The following OPCML variants were observed in gnomAD, a reference collection of about 807,000 sequenced individuals.
OPCML encodes the protein opioid binding protein/cell adhesion molecule like.
In OPCML, 13 loss-of-function variants were observed where a neutral mutation model predicts 37.8. The ratio of observed to expected loss-of-function variants is 0.34; its 90% CI spans 0.22 to 0.55. The LOEUF is 0.55. Among genes scored for constraint, OPCML ranks in the 20% least tolerant of loss-of-function variants. OPCML has a pLI of 0.91. For synonymous variants in OPCML, 176 were observed against 168.8 expected (o/e 1.04, Z -0.33); for missense variants, 341 against 435.6 (o/e 0.78, Z 1.93).
At chr11:133,294,815 C>CTTTTTTTTTTTTTTTTTTTT (rs59382534) in intron 1 of OPCML, among the ~76,000 whole-genome samples, 5 of 56,554 alleles carry the variant, frequency 8.8e-5, no homozygotes, top group African/African-American at 2.5e-4. Context: ...TTCTTTCTTT[C>CTTTTTTTTTTTTTTTTTTTT]TTTTTTTTTT....
intron 2 of OPCML, among the ~76,000 whole-genome samples, chr11:132,725,749 C>A (rs1944855837): frequency 6.6e-6 from 1 of 150,552 alleles, no homozygotes; most frequent in African/African-American, 2.5e-5. Context: ...CCACTGCACT[C>A]CAGCCTGGGC....
rs7941309 is a variant in OPCML at position 132,991,529 on chromosome 11, A to G, written c.62-48519T>C. 4.0e-3 allele frequency among the ~76,000 whole-genome samples: 611 copies of G among 152,358 alleles called. 5 individuals carry two copies. The highest frequency in any genetic ancestry group is 0.014 in the African/African-American group (572 of 41,584). ...TATTAACGAGCATCAATGAGCCCAA[A>G]GTGACAGCACAGTAAATAATTTGAA... On this transcript the variant is annotated intron_variant, in intron 1 of 7. Transcript: ENST00000524381.
At chr11:132,762,676 A>G (rs1185424716) in intron 2 of OPCML, among the ~76,000 whole-genome samples, 5 of 152,126 alleles carry the variant, frequency 3.3e-5, no homozygotes, top group African/African-American at 1.2e-4. Flanking sequence ...ACCAAGCTCG[A>G]GAGTCCTAGG....
chr11:133,147,507 A>C (rs1949914273), intron 1 of OPCML, among the ~76,000 whole-genome samples: 1 of 152,156 alleles, frequency 6.6e-6, no homozygotes, highest in African/African-American at 2.4e-5. Flanking sequence ...TTTCGATGGT[A>C]AGCAGCAGTG....
At chr11:132,652,349 A>AACACACACACACACACACACAC (rs5795793) in intron 3 of OPCML, among the ~76,000 whole-genome samples, 11 of 142,538 alleles carry the variant, frequency 7.7e-5, no homozygotes, top group African/African-American at 2.9e-4. Flanking sequence ...AAGAATGACA[A>AACACACACACACACACACACAC]ACACACACAC....
chr11:132,430,768 C>T (rs540318202), intron 7 of OPCML, among the ~76,000 whole-genome samples: 1 of 152,280 alleles, frequency 6.6e-6, no homozygotes, highest in African/African-American at 2.4e-5. Flanking sequence ...TCCGTCTTGG[C>T]TTTGTTTGCG....
At chr11:132,713,065 C>A (rs1370709899) in intron 2 of OPCML, among the ~76,000 whole-genome samples, 1 of 152,152 alleles carries the variant, frequency 6.6e-6, no homozygotes, top group Non-Finnish European at 1.5e-5. Context: ...AGATCCCTAT[C>A]CCCTTTGTTT....
intron 2 of OPCML, among the ~76,000 whole-genome samples, chr11:132,838,346 T>C (rs1308028303): frequency 6.6e-6 from 1 of 152,136 alleles, no homozygotes; most frequent in Non-Finnish European, 1.5e-5. Context: ...ACTAATGGAA[T>C]AAACTAAAGG....
intron 1 of OPCML, among the ~76,000 whole-genome samples, chr11:133,110,176 A>G (rs745694710): frequency 6.6e-6 from 1 of 152,248 alleles, no homozygotes; most frequent in Non-Finnish European, 1.5e-5. Flanking sequence ...TTAAGGTAAC[A>G]TGAAGTCAAA....
chr11:132,637,203 T>G, intron 3 of OPCML, among the ~76,000 whole-genome samples: 1 of 152,052 alleles, frequency 6.6e-6, no homozygotes, highest in Non-Finnish European at 1.5e-5. Flanking sequence ...GGTGAAAATA[T>G]CAGTCCACAA....
intron 4 of OPCML, among the ~76,000 whole-genome samples, chr11:132,515,731 T>C (rs1181645715): frequency 1.3e-5 from 2 of 152,182 alleles, no homozygotes; most frequent in African/African-American, 4.8e-5. Flanking sequence ...TAACCATGAT[T>C]ACTACCTTTA....
intron 1 of OPCML, among the ~76,000 whole-genome samples, chr11:133,267,392 C>T (rs1011409780): frequency 6.6e-6 from 1 of 152,158 alleles, no homozygotes; most frequent in African/African-American, 2.4e-5. Context: ...CTGATCACTC[C>T]GAGCCTCAGT....
intron 1 of OPCML, among the ~76,000 whole-genome samples, chr11:133,162,590 C>T (rs1565480569): frequency 6.6e-6 from 1 of 152,146 alleles, no homozygotes; most frequent in Non-Finnish European, 1.5e-5. Context: ...TACACACTGC[C>T]GGCCACATCA....
At chr11:133,287,375 G>C (rs191836829) in intron 1 of OPCML, among the ~76,000 whole-genome samples, 2 of 146,042 alleles carry the variant, frequency 1.4e-5, no homozygotes, top group African/African-American at 2.5e-5. Context: ...GCCTCCCGAC[G>C]TGCTGGGATT....
intron 4 of OPCML, among the ~76,000 whole-genome samples, chr11:132,459,266 T>G (rs947332238): frequency 6.6e-6 from 1 of 152,054 alleles, no homozygotes; most frequent in African/African-American, 2.4e-5. Context: ...TTGGTTCTGC[T>G]GGTACTCAGG....
At chr11:132,948,179 C>T (rs774621793) in intron 1 of OPCML, among the ~76,000 whole-genome samples, 8 of 152,184 alleles carry the variant, frequency 5.3e-5, no homozygotes, top group South Asian at 2.1e-4. Context: ...GACACAGAGA[C>T]GACTGCCTTG....
chr11:132,526,587 C>A (rs2096309080), intron 4 of OPCML, among the ~76,000 whole-genome samples: 1 of 152,054 alleles, frequency 6.6e-6, no homozygotes. Flanking sequence ...TGTTCTCAGT[C>A]CACAAAGTAA....
intron 2 of OPCML, among the ~76,000 whole-genome samples, chr11:132,829,124 T>C (rs981881185): frequency 6.6e-6 from 1 of 152,220 alleles, no homozygotes; most frequent in African/African-American, 2.4e-5. Context: ...TTATTTATTC[T>C]AGTATTAGAA....
chr11:133,005,870 A>C (rs1174587941), intron 1 of OPCML: 5 of 985,292 alleles, frequency 5.1e-6, no homozygotes, highest in Non-Finnish European at 6.0e-6. Context: ...ATTTGCACTT[A>C]ATTGCAGAAT....
Sources: allele counts gnomAD v4.1 joint callset (sites outside exome capture counted in the v4.1 genomes callset), GRCh38; gene constraint gnomAD v4.1.1; transcripts MANE v1.5; gene names NCBI Gene and HGNC (gene_info 2026-07-23, HGNC 2026-07-21).